The following MYO3B variants were observed in gnomAD, a reference collection of about 807,000 sequenced individuals.
The protein encoded by MYO3B is myosin IIIB, also known as myosin-IIIb.
In MYO3B, 156 loss-of-function variants were observed where a neutral mutation model predicts 174.6. The observed-to-expected ratio is 0.89, with a 90% CI of 0.78 to 1.02. The LOEUF is 1.02. MYO3B is among the 50% of genes least tolerant of loss of function. The pLI is 0.00. For missense variants in MYO3B, 1,632 were observed against 1,639.4 expected (o/e 1.00, Z 0.08); for synonymous variants, 563 against 569.1 (o/e 0.99, Z 0.15).
At chr2:170,527,653 C>T (rs1483927137) in intron 30 of MYO3B, among the ~76,000 whole-genome samples, 1 of 152,166 alleles carries the variant, frequency 6.6e-6, no homozygotes, top group East Asian at 1.9e-4. Flanking sequence ...AGCTACAGAC[C>T]CTGGAGCCAA....
chr2:170,454,659 C>T (rs1384743224), intron 23 of MYO3B, among the ~76,000 whole-genome samples: 1 of 152,204 alleles, frequency 6.6e-6, no homozygotes, highest in Non-Finnish European at 1.5e-5. Flanking sequence ...GCCACAAAGG[C>T]AATCCCAGAC....
chr2:170,267,950 G>A lies in MYO3B; in HGVS notation c.749+31814G>A, dbSNP rs185320788. On this transcript the variant is annotated intron_variant, in intron 7 of 34. Coordinates refer to ENST00000408978, the MANE Select transcript of MYO3B (RefSeq NM_138995.5). ...AGTCCAGGTGTGGTGGCTCATGCCT[G>A]TAATCCCAGCACTTTGGGAGGCCGA... 7.4e-4 allele frequency among the ~76,000 whole-genome samples: 112 copies of A among 152,310 alleles called. 1 individual carries two copies. Among genetic ancestry groups the A allele is most frequent in the African/African-American group, 2.3e-3 (97 of 41,558 alleles).
In MYO3B at chr2:170,463,523, G is replaced by T; in HGVS notation, c.2808+78G>T. ...AGCCTTCTTATGAGATGCCCAGATG[G>T]AGTCAGTGAAACAAGGGCAAAGCAC... On this transcript the variant is annotated intron_variant, in intron 24 of 34. Coordinates refer to ENST00000408978, the MANE Select transcript of MYO3B (RefSeq NM_138995.5). 11 of 1,279,174 alleles carry T rather than the reference G, an allele frequency of 8.6e-6. No individual in the cohort carries two copies. The South Asian group carries it at 1.4e-4, about 17-fold the overall frequency. The allele number at this position is 1,279,174 out of a possible 1,614,324, so 79.2% of individuals were successfully genotyped here.
intron 7 of MYO3B, among the ~76,000 whole-genome samples, chr2:170,319,055 G>T (rs1017388555): frequency 6.6e-6 from 1 of 152,182 alleles, no homozygotes; most frequent in East Asian, 1.9e-4. Context: ...GATCATGTCT[G>T]CTAGGATGAC....
chr2:170,478,830 C>A (rs952741767), intron 25 of MYO3B, among the ~76,000 whole-genome samples: 2 of 140,516 alleles, frequency 1.4e-5, no homozygotes, highest in African/African-American at 5.3e-5. Flanking sequence ...TCTTGGCCTC[C>A]CAAAATGTTG....
intron 32 of MYO3B, among the ~76,000 whole-genome samples, chr2:170,594,670 G>A (rs1197238132): frequency 1.3e-5 from 2 of 152,092 alleles, no homozygotes; most frequent in African/African-American, 4.8e-5. Context: ...CAGATGTGTT[G>A]AGGTAGACTG....
At chr2:170,223,961 G>T (rs1168880194) in intron 6 of MYO3B, among the ~76,000 whole-genome samples, 1 of 152,112 alleles carries the variant, frequency 6.6e-6, no homozygotes, top group Admixed American at 6.5e-5. Context: ...CCCCTTGAGT[G>T]CTCCTCAGCC....
At chr2:170,373,072 T>G (rs1371434919) in intron 9 of MYO3B, among the ~76,000 whole-genome samples, 1 of 152,030 alleles carries the variant, frequency 6.6e-6, no homozygotes, top group Non-Finnish European at 1.5e-5. Context: ...CTGATTGCAG[T>G]ATGGAGAATG....
intron 32 of MYO3B, among the ~76,000 whole-genome samples, chr2:170,613,514 C>G (rs1462626502): frequency 6.6e-6 from 1 of 152,230 alleles, no homozygotes; most frequent in Non-Finnish European, 1.5e-5. Flanking sequence ...ACAAAATCAT[C>G]ATCTCTAGTC....
Position 170,514,917 on chromosome 2 carries a change from A to G in MYO3B, c.3371-4A>G, listed in dbSNP as rs1688209973. On this transcript the variant is annotated splice_polypyrimidine_tract_variant and splice_region_variant and intron_variant, in intron 28 of 34. Transcript: ENST00000408978. ...TGAGAAAGTCTTTTTGTTTCATTCC[A>G]CAGGGGACACTTCAAACCAAAGCAG... The G allele has an allele frequency of 6.2e-7, 1 of 1,613,040 alleles. No homozygotes were observed. The highest frequency in any genetic ancestry group is 1.3e-5 in the African/African-American group (1 of 74,884).
Position 170,192,734 on chromosome 2 carries a change from G to A in MYO3B, c.3-6474G>A, listed in dbSNP as rs1014756054. 4.0e-5 allele frequency among the ~76,000 whole-genome samples: 6 copies of A among 151,342 alleles called. No homozygotes were observed. In the East Asian group the frequency reaches 1.2e-3, roughly 29 times the overall value. ...GCCCAGCTTCTTAAGTTTTTTGCTT[G>A]ATAGTATCCTCAATATTTTTATTTT... On this transcript the variant is annotated intron_variant, in intron 1 of 34. Transcript: ENST00000408978.
intron 7 of MYO3B, among the ~76,000 whole-genome samples, chr2:170,299,331 A>G (rs149629974): frequency 6.6e-6 from 1 of 152,302 alleles, no homozygotes. Context: ...GCAGACTTAC[A>G]TCCTCTTTTT....
At chr2:170,522,848 G>A (rs1459138065) in intron 30 of MYO3B, among the ~76,000 whole-genome samples, 2 of 152,132 alleles carry the variant, frequency 1.3e-5, no homozygotes, top group Non-Finnish European at 2.9e-5. Flanking sequence ...TCCTTGAGCT[G>A]TAGCCCTTTT....
At chr2:170,476,026 T>A (rs917823449) in intron 25 of MYO3B, among the ~76,000 whole-genome samples, 1 of 152,166 alleles carries the variant, frequency 6.6e-6, no homozygotes, top group Non-Finnish European at 1.5e-5. Context: ...AGGTTAACTT[T>A]GATTATCCTA....
At chr2:170,240,897 T>C (rs1262705052) in intron 7 of MYO3B, among the ~76,000 whole-genome samples, 1 of 152,230 alleles carries the variant, frequency 6.6e-6, no homozygotes, top group East Asian at 1.9e-4. Context: ...AACTGCTTTT[T>C]AGTTCCTAAT....
intron 25 of MYO3B, among the ~76,000 whole-genome samples, chr2:170,486,206 A>C (rs1686035928): frequency 6.6e-6 from 1 of 151,910 alleles, no homozygotes; most frequent in Non-Finnish European, 1.5e-5. Flanking sequence ...CTTCCAACTT[A>C]TTATCCAAAC....
intron 30 of MYO3B, among the ~76,000 whole-genome samples, chr2:170,529,447 T>G (rs974444363): frequency 2.6e-5 from 4 of 151,864 alleles, no homozygotes; most frequent in African/African-American, 9.7e-5. Context: ...CCTCCCTTCC[T>G]TCTTCCTTTT....
intron 7 of MYO3B, among the ~76,000 whole-genome samples, chr2:170,326,201 G>A (rs1315871178): frequency 1.3e-5 from 2 of 149,866 alleles, no homozygotes; most frequent in East Asian, 2.0e-4. Context: ...TAGACACACT[G>A]TAATGATCAC....
chr2:170,335,553 C>T, intron 8 of MYO3B, 103 bp downstream of exon 8: 1 of 839,864 alleles, frequency 1.2e-6, no homozygotes. Flanking sequence ...GGTTGTTATG[C>T]CTGTTAGCAC....
Sources: allele counts gnomAD v4.1 joint callset (sites outside exome capture counted in the v4.1 genomes callset), GRCh38; gene constraint gnomAD v4.1.1; transcripts MANE v1.5; gene names NCBI Gene and HGNC (gene_info 2026-07-23, HGNC 2026-07-21).